Variants in LARGE1 observed in about 807,000 individuals in gnomAD.
The protein encoded by LARGE1 is xylosyl- and glucuronyltransferase LARGE1.
LARGE1 carries 43 observed loss-of-function variants against 87.6 expected under a neutral mutation model. The ratio of observed to expected loss-of-function variants is 0.49; its 90% confidence interval spans 0.38 to 0.63. The LOEUF is 0.63. Among genes scored for constraint, LARGE1 ranks in the 30% least tolerant of loss-of-function variants. LARGE1 has a pLI of 0.00. For synonymous variants in LARGE1, 434 were observed against 394.6 expected (o/e 1.10, Z -1.18); for missense variants, 802 against 1,000.2 (o/e 0.80, Z 2.67).
At position 33,544,986 on chromosome 22, in the gene LARGE1, A is replaced by G. The variant is rs1602350470; in HGVS notation, c.787+19862T>C. Among the ~76,000 whole-genome samples the G allele has an allele frequency of 2.0e-5, 3 of 152,300 alleles. No individual in the cohort carries two copies. In the South Asian group the frequency reaches 6.2e-4, roughly 32 times the overall value. The stretch of plus-strand genomic sequence containing the variant: ...ACAGTCATTCTGCTGATGTTACTGG[A>G]AGGAAGAAACGTATGCTGAGCAGGC... On this transcript the variant is annotated intron_variant, in intron 6 of 14. Coordinates refer to ENST00000397394, the MANE Select transcript of LARGE1 (RefSeq NM_133642.5).
chr22:33,569,633 A>G (rs1234835154), intron 5 of LARGE1, among the ~76,000 whole-genome samples: 1 of 152,170 alleles, frequency 6.6e-6, no homozygotes. Context: ...CATGATATCT[A>G]GCACTCTTCC....
chr22:33,887,141 T>C (rs1001493912), intron 1 of LARGE1, among the ~76,000 whole-genome samples: 6 of 152,208 alleles, frequency 3.9e-5, no homozygotes, highest in Non-Finnish European at 5.9e-5. Flanking sequence ...TGAGTTCTGC[T>C]GTGGTCTGAA....
chr22:33,115,054 C>T, the LARGE1 span, among the ~76,000 whole-genome samples: 1 of 152,186 alleles, frequency 6.6e-6, no homozygotes, highest in South Asian at 2.1e-4. Flanking sequence ...TAGTTCAGAA[C>T]TGAGGGAGAT....
At chr22:33,115,627 C>T in the LARGE1 span, among the ~76,000 whole-genome samples, 1 of 151,728 alleles carries the variant, frequency 6.6e-6, no homozygotes, top group African/African-American at 2.4e-5. Context: ...ACCATCCTGG[C>T]CAACATGGTG....
At chr22:33,454,100 G>A (rs1190879466) in intron 6 of LARGE1, among the ~76,000 whole-genome samples, 1 of 152,150 alleles carries the variant, frequency 6.6e-6, no homozygotes, top group African/African-American at 2.4e-5. Context: ...TCTGAGTTGT[G>A]TATGCATCAT....
intron 2 of LARGE1, among the ~76,000 whole-genome samples, chr22:33,705,120 T>C (rs944667558): frequency 1.3e-5 from 2 of 152,122 alleles, no homozygotes; most frequent in African/African-American, 4.8e-5. Context: ...ACACGTCTCA[T>C]GCGTCTGACA....
At position 33,704,580 on chromosome 22, in the gene LARGE1, C is replaced by A. The variant is rs541862035; in HGVS notation, c.107-53912G>T. ...CCCTGAGCACTACTGTTGCAAGGCA[C>A]GACACTCATCAGTGAGGCCTGGAAA... is the stretch of plus-strand genomic sequence containing the variant. On this transcript the variant is annotated intron_variant, in intron 2 of 14. Transcript: ENST00000397394. 9.9e-5 allele frequency among the ~76,000 whole-genome samples: 15 copies of A among 152,254 alleles called. No homozygotes were observed. The East Asian group carries it at 2.5e-3, about 25-fold the overall frequency.
chr22:33,420,181 G>A (rs532682038), intron 7 of LARGE1, among the ~76,000 whole-genome samples: 1 of 152,218 alleles, frequency 6.6e-6, no homozygotes, highest in South Asian at 2.1e-4. Context: ...CACTGTCTTC[G>A]AAACACTTAT....
intron 2 of LARGE1, among the ~76,000 whole-genome samples, chr22:33,683,640 G>C (rs2081850397): frequency 6.6e-6 from 1 of 152,082 alleles, no homozygotes; most frequent in Admixed American, 6.5e-5. Context: ...CAGGCAGACA[G>C]ACAGACAGAC....
chr22:33,633,118 G>C (rs1309989230), intron 3 of LARGE1, among the ~76,000 whole-genome samples: 1 of 152,174 alleles, frequency 6.6e-6, no homozygotes, highest in Non-Finnish European at 1.5e-5. Context: ...AGTGTTCCAG[G>C]ACTGTTCTGG....
At chr22:33,348,479 T>G (rs1487611855) in intron 9 of LARGE1, among the ~76,000 whole-genome samples, 3 of 152,136 alleles carry the variant, frequency 2.0e-5, no homozygotes, top group Non-Finnish European at 4.4e-5. Flanking sequence ...AAACAAAAGC[T>G]GTAATGGCAT....
chr22:33,291,062 T>C (rs1407575920), intron 12 of LARGE1, among the ~76,000 whole-genome samples: 1 of 151,942 alleles, frequency 6.6e-6, no homozygotes, highest in Non-Finnish European at 1.5e-5. Flanking sequence ...GAAGTTCCCT[T>C]CCTCACCTCT....
intron 2 of LARGE1, among the ~76,000 whole-genome samples, chr22:33,683,670 G>T (rs2081852032): frequency 6.6e-6 from 1 of 152,138 alleles, no homozygotes; most frequent in Non-Finnish European, 1.5e-5. Context: ...ATAGACAGAA[G>T]ATAGATGGAG....
intron 6 of LARGE1, among the ~76,000 whole-genome samples, chr22:33,543,502 C>A (rs543624902): frequency 1.3e-5 from 2 of 152,094 alleles, no homozygotes; most frequent in African/African-American, 4.8e-5. Context: ...GGGGTAAAGG[C>A]CCTGTCAATA....
chr22:33,489,700 C>T (rs1414743054), intron 6 of LARGE1, among the ~76,000 whole-genome samples: 2 of 152,170 alleles, frequency 1.3e-5, no homozygotes, highest in South Asian at 2.1e-4. Context: ...GTCCATTAAA[C>T]CCTCTTTTTC....
intron 7 of LARGE1, among the ~76,000 whole-genome samples, chr22:33,408,769 CA>C (rs1448774428): frequency 7.9e-6 from 1 of 125,968 alleles, no homozygotes; most frequent in Non-Finnish European, 1.5e-5. Context: ...CAAAAATGGC[CA>C]GGGGGGGTCA....
chr22:33,089,650 C>G, the LARGE1 span, among the ~76,000 whole-genome samples: 3 of 151,698 alleles, frequency 2.0e-5, no homozygotes, highest in South Asian at 6.3e-4. Context: ...GGCACGTGCA[C>G]CACATTCAGC....
chr22:33,753,260 G>C (rs1041252173), intron 2 of LARGE1, among the ~76,000 whole-genome samples: 2 of 151,988 alleles, frequency 1.3e-5, no homozygotes, highest in Non-Finnish European at 1.5e-5. Context: ...TAATAAGAGG[G>C]GGGTAGGAGA....
At chr22:33,589,975 T>C (rs2148912586) in intron 5 of LARGE1, among the ~76,000 whole-genome samples, 1 of 152,310 alleles carries the variant, frequency 6.6e-6, no homozygotes, top group Non-Finnish European at 1.5e-5. Context: ...TTGTGTAATT[T>C]TTTTGATGAA....
Sources: allele counts gnomAD v4.1 joint callset (sites outside exome capture counted in the v4.1 genomes callset), GRCh38; gene constraint gnomAD v4.1.1; transcripts MANE v1.5; gene names NCBI Gene and HGNC (gene_info 2026-07-23, HGNC 2026-07-21).